Variants in ROCK1 observed in about 807,000 individuals in gnomAD.
The protein encoded by ROCK1 is Rho associated coiled-coil containing protein kinase 1, also known as rho-associated protein kinase 1.
Under a neutral mutation model 196.8 loss-of-function variants are expected in ROCK1, and 36 were observed. The ratio of observed to expected loss-of-function variants is 0.18; its 90% CI spans 0.14 to 0.24. ROCK1 has a LOEUF of 0.24. Among genes scored for constraint, ROCK1 ranks in the 10% least tolerant of loss-of-function variants. The pLI, the probability that ROCK1 is intolerant of heterozygous loss-of-function variation, is 1.00. For missense variants in ROCK1, 920 were observed against 1,562.0 expected (o/e 0.59, Z 6.93); for synonymous variants, 443 against 515.9 (o/e 0.86, Z 1.91).
At chr18:21,039,984 G>C (rs2036091139) in intron 8 of ROCK1, among the ~76,000 whole-genome samples, 1 of 152,158 alleles carries the variant, frequency 6.6e-6, no homozygotes, top group Non-Finnish European at 1.5e-5. Context: ...TTGAACCCGG[G>C]AGGCAGAGGC....
chr18:21,044,097 T>C lies in ROCK1; in HGVS notation c.675+5A>G. Reference sequence around the variant, plus strand: ...AAAAACTAAATTAAAATCTAGTTAATTAACCTTATTCATCTTCATACAAGT... The same window carrying C: ...AAAAACTAAATTAAAATCTAGTTAACTAACCTTATTCATCTTCATACAAGT... On this transcript the variant is annotated splice_donor_5th_base_variant and intron_variant, in intron 6 of 32. Coordinates refer to ENST00000399799, the MANE Select transcript of ROCK1 (RefSeq NM_005406.3). 1 of 1,552,682 alleles carries C rather than the reference T, an allele frequency of 6.4e-7. No homozygotes were observed. The highest frequency in any genetic ancestry group is 8.9e-7 in the Non-Finnish European group (1 of 1,129,178).
At chr18:20,980,573 T>C (rs758474705) in intron 21 of ROCK1, among the ~76,000 whole-genome samples, 5 of 152,162 alleles carry the variant, frequency 3.3e-5, no homozygotes, top group Non-Finnish European at 7.3e-5. Context: ...TGTACATATT[T>C]GTCAAAATTT....
Position 21,099,018 on chromosome 18 carries a change from G to A in ROCK1, c.93+11800C>T, listed in dbSNP as rs2036635255. 1.3e-5 allele frequency among the ~76,000 whole-genome samples: 2 copies of A among 152,146 alleles called. 1 individual carries two copies. Among genetic ancestry groups the A allele is most frequent in the South Asian group, 4.1e-4 (2 of 4,832 alleles). On this transcript the variant is annotated intron_variant, in intron 1 of 32. Transcript: ENST00000399799. ...AATAGCACAACTCTTAGGAGAGGGA[G>A]AATATTTTAACAGTGAGCAAAATTA...
At chr18:21,073,239 T>A (rs1184914747) in intron 1 of ROCK1, among the ~76,000 whole-genome samples, 1 of 152,178 alleles carries the variant, frequency 6.6e-6, no homozygotes, top group East Asian at 1.9e-4. Context: ...GGTAGTTACA[T>A]AAGAGAAGTA....
At chr18:21,038,884 T>C (rs1418349197) in intron 9 of ROCK1, among the ~76,000 whole-genome samples, 3 of 152,248 alleles carry the variant, frequency 2.0e-5, no homozygotes, top group Admixed American at 2.0e-4. Context: ...CTGTGAATCA[T>C]CTTGTAATTT....
Position 20,959,147 on chromosome 18 carries a change from A to T in ROCK1, c.3512+693T>A, listed in dbSNP as rs1237663762. 9.0e-4 allele frequency among the ~76,000 whole-genome samples: 55 copies of T among 61,240 alleles called. 2 individuals carry two copies. The highest frequency in any genetic ancestry group is 3.3e-3 in the African/African-American group (35 of 10,504). 40.2% of individuals were successfully genotyped at this position (61,240 alleles called of 152,430 possible). ...TATATATATTATATATATTATATAA[A>T]ATATATATATTATATATTATATAAT... On this transcript the variant is annotated intron_variant, in intron 29 of 32. Coordinates refer to ENST00000399799, the MANE Select transcript of ROCK1 (RefSeq NM_005406.3).
Position 20,969,173 on chromosome 18 carries a change from A to C in ROCK1, c.2856T>G (p.Ile952Met), listed in dbSNP as rs745320980. 4.4e-6 allele frequency: 7 copies of C among 1,604,122 alleles called. No individual in the cohort carries two copies. Among genetic ancestry groups the C allele is most frequent in the Middle Eastern group, 3.3e-4 (2 of 6,042 alleles). ...EEANSMLTKD[I>M]EILRRENEEL... is the part of the protein sequence containing the mutation. ...CTTCATTCTCTCTTCTTAATATTTC[A>C]ATATCTTTGGTTAGCATGCTGTTTG... is the stretch of plus-strand genomic sequence containing the variant. Residue 952 changes from isoleucine (I) to methionine (M), a missense_variant, in exon 24 of 33, where the codon ATT (isoleucine) becomes ATG (methionine). Ile to Met is a conservative substitution (Grantham distance 10). This residue lies in a region of ROCK1 where 520 missense variants were observed against 657.1 expected (regional missense o/e 0.79). Coordinates refer to ENST00000399799, the MANE Select transcript of ROCK1 (RefSeq NM_005406.3).
At chr18:21,014,502 A>G (rs2143451737) in intron 13 of ROCK1, among the ~76,000 whole-genome samples, 1 of 152,324 alleles carries the variant, frequency 6.6e-6, no homozygotes, top group Non-Finnish European at 1.5e-5. Context: ...TTCCCTCTCT[A>G]CTTCTAATTT....
At chr18:21,107,062 T>A (rs747845210) in intron 1 of ROCK1, among the ~76,000 whole-genome samples, 16 of 152,238 alleles carry the variant, frequency 1.1e-4, no homozygotes, top group Non-Finnish European at 5.9e-5. Context: ...GTCTCATACA[T>A]ACCTTATACA....
At chr18:21,082,972 G>A (rs147901204) in intron 1 of ROCK1, among the ~76,000 whole-genome samples, 77 of 152,132 alleles carry the variant, frequency 5.1e-4, no homozygotes, top group South Asian at 4.2e-4. Flanking sequence ...AAAAAAATCC[G>A]TCAGAGCCCA....
intron 4 of ROCK1, among the ~76,000 whole-genome samples, chr18:21,046,344 C>G (rs930705316): frequency 3.9e-5 from 6 of 152,170 alleles, no homozygotes; most frequent in African/African-American, 1.4e-4. Context: ...GTCAAGTATC[C>G]AGATGCCTGG....
At chr18:21,109,909 A>G (rs544891323) in intron 1 of ROCK1, among the ~76,000 whole-genome samples, 7 of 152,128 alleles carry the variant, frequency 4.6e-5, no homozygotes, top group Non-Finnish European at 1.0e-4. Flanking sequence ...CTGTCCATAT[A>G]CATGCTCCCT....
At chr18:21,103,894 G>T (rs2036680465) in intron 1 of ROCK1, among the ~76,000 whole-genome samples, 1 of 152,204 alleles carries the variant, frequency 6.6e-6, no homozygotes, top group Non-Finnish European at 1.5e-5. Context: ...TGAATTTTCA[G>T]TCCAGTGTTC....
chr18:21,077,225 G>A (rs1293864450), intron 1 of ROCK1, among the ~76,000 whole-genome samples: 3 of 151,198 alleles, frequency 2.0e-5, no homozygotes, highest in Non-Finnish European at 1.5e-5. Context: ...CACCCGCCTC[G>A]GCCTCCCAAA....
intron 1 of ROCK1, among the ~76,000 whole-genome samples, chr18:21,081,886 A>C (rs2036485564): frequency 6.6e-6 from 1 of 152,246 alleles, no homozygotes; most frequent in Admixed American, 6.5e-5. Flanking sequence ...CTCTCAAGAA[A>C]GAAAATCCCT....
intron 29 of ROCK1, among the ~76,000 whole-genome samples, chr18:20,959,220 T>A (rs111820255): frequency 0.034 from 2,914 of 84,694 alleles, 110 homozygotes; most frequent in African/African-American, 0.076. Flanking sequence ...ATATATATAT[T>A]TTTTTTTTGA....
At chr18:21,092,721 C>T (rs912491447) in intron 1 of ROCK1, among the ~76,000 whole-genome samples, 2 of 151,542 alleles carry the variant, frequency 1.3e-5, no homozygotes, top group African/African-American at 4.9e-5. Flanking sequence ...GGAAACAAGA[C>T]TTTTTCTTCA....
At chr18:20,982,183 G>C (rs1339571404) in intron 21 of ROCK1, among the ~76,000 whole-genome samples, 1 of 152,250 alleles carries the variant, frequency 6.6e-6, no homozygotes, top group Non-Finnish European at 1.5e-5. Context: ...TCACTTTGCA[G>C]AAGTTAGCAG....
intron 16 of ROCK1, among the ~76,000 whole-genome samples, chr18:20,998,460 C>T (rs1198149201): frequency 1.3e-5 from 2 of 151,940 alleles, no homozygotes; most frequent in Admixed American, 6.6e-5. Context: ...ACACATGCAA[C>T]CTACCAAGAT....
Sources: allele counts gnomAD v4.1 joint callset (sites outside exome capture counted in the v4.1 genomes callset), GRCh38; gene constraint gnomAD v4.1.1; regional missense constraint gnomAD v4.1.1; transcripts MANE v1.5; gene names NCBI Gene and HGNC (gene_info 2026-07-23, HGNC 2026-07-21).